The following CCDC141 variants were observed in gnomAD, a reference collection of about 807,000 sequenced individuals.
The protein encoded by CCDC141 is coiled-coil domain-containing protein 141.
In CCDC141, 168 loss-of-function variants were observed where a neutral mutation model predicts 181.0. The observed-to-expected ratio is 0.93, with a 90% CI of 0.82 to 1.05. CCDC141 has a LOEUF of 1.05. Ranked by LOEUF, CCDC141 falls within the 50% of genes least tolerant of loss-of-function variation. The pLI is 0.00. For synonymous variants in CCDC141, 666 were observed against 642.3 expected, an observed-to-expected ratio of 1.04 and a Z score of -0.56; for missense variants, 1,902 against 1,788.5, an observed-to-expected ratio of 1.06 and a Z score of -1.14.
At chr2:178,983,983 C>T (rs935869250) in intron 2 of CCDC141, among the ~76,000 whole-genome samples, 42 of 150,856 alleles carry the variant, frequency 2.8e-4, no homozygotes, top group African/African-American at 9.3e-4. Flanking sequence ...AGATACTCCT[C>T]GAGAAGAGCA....
intron 2 of CCDC141, among the ~76,000 whole-genome samples, chr2:179,037,448 A>C (rs1432115661): frequency 6.6e-6 from 1 of 152,238 alleles, no homozygotes; most frequent in African/African-American, 2.4e-5. Context: ...GTGTTTCTTC[A>C]CATTCACAAC....
chr2:179,042,636 C>T (rs1433408646), intron 2 of CCDC141, among the ~76,000 whole-genome samples: 1 of 152,206 alleles, frequency 6.6e-6, no homozygotes, highest in Admixed American at 6.5e-5. Context: ...GCATAAGCCA[C>T]TGTGCCCAGC....
Position 179,049,929 on chromosome 2 carries a change from C to G in CCDC141, c.13G>C (p.Gly5Arg), listed in dbSNP as rs1350056545. The G allele has an allele frequency of 6.4e-7, 1 of 1,550,412 alleles. No homozygotes were observed. Among genetic ancestry groups the G allele is most frequent in the Non-Finnish European group, 8.7e-7 (1 of 1,146,934 alleles). The change falls in exon 1 of 24, where the codon GGA becomes CGA. Residue 5 changes from glycine to arginine, a missense_variant. Gly to Arg is a moderately radical substitution (Grantham distance 125, BLOSUM62 -2). Transcript: ENST00000443758. ...GTAGAAAGCGCAACACTAGGACTTCCTTGGCTGGACATGGTACTTTAGAAC... is the reference window on the plus strand; with the variant it reads ...GTAGAAAGCGCAACACTAGGACTTCGTTGGCTGGACATGGTACTTTAGAAC... MSSQ[G>R]SPSVALSTTT...
rs563651779 is a variant in CCDC141, at chr2:178,910,897, TG to T, written c.1093-5397del. Among the ~76,000 whole-genome samples the T allele has an allele frequency of 3.3e-5, 5 of 152,336 alleles. No individual in the cohort carries two copies. The East Asian group carries it at 9.6e-4, about 29-fold the overall frequency. On this transcript the variant is annotated intron_variant, in intron 7 of 23. Transcript: ENST00000443758. ...AGAAAACACTGGAATAAAAGAGGTT[TG>T]GGATTGAAAGTGGTATGTATCTGAA...
chr2:179,015,037 A>C (rs2042385185), intron 2 of CCDC141, among the ~76,000 whole-genome samples: 1 of 134,800 alleles, frequency 7.4e-6, no homozygotes, highest in Admixed American at 7.4e-5. Context: ...CCCATCAATC[A>C]ATGAGTGGAT....
At chr2:178,947,291 A>G (rs775046133) in intron 5 of CCDC141, among the ~76,000 whole-genome samples, 1 of 152,212 alleles carries the variant, frequency 6.6e-6, no homozygotes, top group Non-Finnish European at 1.5e-5. Flanking sequence ...TGGTAAGTAC[A>G]GTAAATGATG....
chr2:178,898,233 A>G (rs1333196396), intron 8 of CCDC141, among the ~76,000 whole-genome samples: 1 of 152,170 alleles, frequency 6.6e-6, no homozygotes. Context: ...GTTATAAAAC[A>G]AGGCTGCCTC....
At chr2:179,014,432 A>G (rs1391459644) in intron 2 of CCDC141, among the ~76,000 whole-genome samples, 1 of 152,194 alleles carries the variant, frequency 6.6e-6, no homozygotes, top group Non-Finnish European at 1.5e-5. Flanking sequence ...GGACCTAATG[A>G]AACTTAAGAG....
chr2:178,890,404 G>A (rs1687091146), intron 8 of CCDC141, among the ~76,000 whole-genome samples: 3 of 152,090 alleles, frequency 2.0e-5, no homozygotes. Context: ...GTAGCTTGGA[G>A]GGGAGTCCAA....
At chr2:178,951,802 C>T (rs1274460800) in intron 5 of CCDC141, among the ~76,000 whole-genome samples, 1 of 152,184 alleles carries the variant, frequency 6.6e-6, no homozygotes, top group African/African-American at 2.4e-5. Flanking sequence ...CTAATTCTGT[C>T]ATACAATGTG....
At chr2:178,978,814 A>G (rs979944473) in intron 2 of CCDC141, 139 bp from the exon 3 acceptor site, 1 of 672,830 alleles carries the variant, frequency 1.5e-6, no homozygotes, top group Non-Finnish European at 2.3e-6. Context: ...TTATGCAAGA[A>G]GGTGTATCAA....
chr2:178,873,310 T>C (rs958115319), intron 12 of CCDC141: 2 of 152,030 alleles, frequency 1.3e-5, no homozygotes. Context: ...AAAATATATA[T>C]CTGTAGGTCC....
At chr2:178,928,549 C>T (rs1014687367) in intron 6 of CCDC141, among the ~76,000 whole-genome samples, 2 of 150,914 alleles carry the variant, frequency 1.3e-5, no homozygotes, top group African/African-American at 4.9e-5. Context: ...TAAGGGCTGA[C>T]AAATGCCAGG....
At chr2:178,995,139 G>C (rs978178802) in intron 2 of CCDC141, among the ~76,000 whole-genome samples, 1 of 152,160 alleles carries the variant, frequency 6.6e-6, no homozygotes, top group Admixed American at 6.5e-5. Context: ...CGCTCTACGG[G>C]TACCAATTTA....
chr2:178,841,598 C>T lies in CCDC141; in HGVS notation c.3475-3854G>A, dbSNP rs6717160. ...AAATTAAAAATGCAAATAAGATTTC[C>T]GTTTTTAAGTCATTATGGAATTTTA... On this transcript the variant is annotated intron_variant, in intron 22 of 23. Coordinates refer to ENST00000443758, the MANE Select transcript of CCDC141 (RefSeq NM_173648.4). Among the ~76,000 whole-genome samples the T allele has an allele frequency of 2.6e-4, 40 of 152,092 alleles. No individual in the cohort carries two copies. The East Asian group carries it at 6.2e-3, about 24-fold the overall frequency.
downstream of CCDC141, chr2:178,825,515 T>C (rs1307002250): frequency 6.6e-6 from 1 of 152,100 alleles, no homozygotes; most frequent in Admixed American, 6.5e-5. Flanking sequence ...ACGACAATGG[T>C]AGTTAATGAT....
At chr2:179,033,528 AT>A (rs1476458484) in intron 2 of CCDC141, among the ~76,000 whole-genome samples, 1 of 152,100 alleles carries the variant, frequency 6.6e-6, no homozygotes, top group Non-Finnish European at 1.5e-5. Context: ...ACAAAAGTAT[AT>A]TTTTATCCTA....
intron 19 of CCDC141, 26 bp from the exon 20 acceptor site, chr2:178,853,650 G>C (rs1257556316): frequency 6.3e-7 from 1 of 1,579,376 alleles, no homozygotes; most frequent in Non-Finnish European, 8.6e-7. Flanking sequence ...ATAAAGCACA[G>C]ATGAAAGAAA....
chr2:178,950,820 G>T (rs190006020), intron 5 of CCDC141, among the ~76,000 whole-genome samples: 1 of 152,114 alleles, frequency 6.6e-6, no homozygotes, highest in African/African-American at 2.4e-5. Context: ...GTTACTTTAT[G>T]AACAGCTTTA....
Sources: allele counts gnomAD v4.1 joint callset (sites outside exome capture counted in the v4.1 genomes callset), GRCh38; gene constraint gnomAD v4.1.1; transcripts MANE v1.5; gene names NCBI Gene and HGNC (gene_info 2026-07-23, HGNC 2026-07-21).